The following ELOVL4 variants were observed in gnomAD, a reference collection of about 807,000 sequenced individuals.
ELOVL4 encodes very long chain fatty acid elongase 4.
ELOVL4 carries 18 observed loss-of-function variants against 42.1 expected under a neutral mutation model. The observed-to-expected ratio is 0.43, with a 90% CI of 0.30 to 0.63. The LOEUF is 0.63. ELOVL4 is among the 30% of genes least tolerant of loss of function. The pLI is 0.15. For synonymous variants in ELOVL4, 117 were observed against 127.0 expected, an observed-to-expected ratio of 0.92 and a Z score of 0.53; for missense variants, 299 against 376.2, an observed-to-expected ratio of 0.79 and a Z score of 1.70.
At chr6:79,928,094 ATTTC>A (rs1381640862) in intron 1 of ELOVL4, among the ~76,000 whole-genome samples, 2 of 152,076 alleles carry the variant, frequency 1.3e-5, no homozygotes, top group Non-Finnish European at 1.5e-5. Flanking sequence ...CTACTTAGGT[ATTTC>A]TTTTTCTATA....
At position 79,914,865 on chromosome 6, in the gene ELOVL4, A is replaced by G. The variant is rs1206233662; in HGVS notation, c.*1743T>C. On this transcript the variant is annotated 3_prime_UTR_variant, in exon 6 of 6. Transcript: ENST00000369816. ...TTGTGCTGAAATCAGGTAGCAGGGA[A>G]TGAATAGCTCTTGGGAACCAGTACA... 2 of 152,584 alleles carry G rather than the reference A, an allele frequency of 1.3e-5. No individual in the cohort carries two copies. The highest frequency in any genetic ancestry group is 4.8e-5 in the African/African-American group (2 of 41,442). 9.5% of individuals were successfully genotyped at this position (152,584 alleles called of 1,614,324 possible). A position where few individuals can be genotyped will look rare whatever the true frequency, so the allele number is the denominator to read the frequency against.
chr6:79,927,494 C>T (rs1259837185), intron 1 of ELOVL4, among the ~76,000 whole-genome samples: 18 of 152,038 alleles, frequency 1.2e-4, no homozygotes, highest in Admixed American at 1.2e-3. Context: ...CCTGTATATG[C>T]AAAATGCTTC....
chr6:79,921,847 G>C (rs1340446650), intron 3 of ELOVL4, 51 bp from the exon 4 acceptor site: 2 of 1,541,916 alleles, frequency 1.3e-6, no homozygotes, highest in South Asian at 2.2e-5. Flanking sequence ...CTATTGTATG[G>C]GTTTATACTC....
At chr6:79,936,322 T>A (rs1476686462) in intron 1 of ELOVL4, among the ~76,000 whole-genome samples, 1 of 152,182 alleles carries the variant, frequency 6.6e-6, no homozygotes, top group African/African-American at 2.4e-5. Flanking sequence ...TCCTTTTTTT[T>A]AAACATCTGG....
intron 1 of ELOVL4, among the ~76,000 whole-genome samples, chr6:79,938,688 T>C (rs1206739268): frequency 1.3e-5 from 2 of 152,268 alleles, no homozygotes; most frequent in Admixed American, 6.5e-5. Flanking sequence ...CTTTGTAGTT[T>C]AATCTCATAC....
chr6:79,934,288 G>T (rs1774506025), intron 1 of ELOVL4, among the ~76,000 whole-genome samples: 1 of 152,100 alleles, frequency 6.6e-6, no homozygotes, highest in Non-Finnish European at 1.5e-5. Context: ...AGCCAGAGAG[G>T]CAGGAAAAGA....
rs1319152242 is a variant in ELOVL4 at position 79,916,786 on chromosome 6, A to G, written c.767T>C (p.Ile256Thr). 6.2e-7 allele frequency: 1 copy of G among 1,614,084 alleles called. No individual in the cohort carries two copies. Among genetic ancestry groups the G allele is most frequent in the Non-Finnish European group, 8.5e-7 (1 of 1,180,048 alleles). Residue 256 changes from isoleucine to threonine, a missense_variant, in exon 6 of 6, where the codon ATC (isoleucine) becomes ACC (threonine). Ile to Thr is a moderately conservative substitution (Grantham distance 89). Transcript: ENST00000369816. Reference protein sequence around the residue: ...WMHWALIAYAISFIFLFLNFY... With the variant: ...WMHWALIAYATSFIFLFLNFY... Reference sequence around the variant, plus strand: ...GTTAAGAAAGAGAAATATGAAGCTGATTGCATAGGCAATTAGAGCCCAGTG... The same window carrying G: ...GTTAAGAAAGAGAAATATGAAGCTGGTTGCATAGGCAATTAGAGCCCAGTG...
chr6:79,946,854 G>A (rs897542530), intron 1 of ELOVL4, among the ~76,000 whole-genome samples: 1 of 152,218 alleles, frequency 6.6e-6, no homozygotes, highest in Non-Finnish European at 1.5e-5. Flanking sequence ...GGAGATGTGG[G>A]AGCACAGGGT....
At chr6:79,921,837 C>T in intron 3 of ELOVL4, 41 bp from the exon 4 acceptor site, 1 of 1,580,854 alleles carries the variant, frequency 6.3e-7, no homozygotes, top group African/African-American at 1.3e-5. Flanking sequence ...CAAAATGACA[C>T]TATTGTATGG....
At chr6:79,916,946 T>C in intron 5 of ELOVL4, 63 bp from the exon 6 acceptor site, 2 of 1,595,164 alleles carry the variant, frequency 1.3e-6, no homozygotes, top group Non-Finnish European at 1.7e-6. Context: ...TTTAACAACA[T>C]CGGCATCTTC....
intron 3 of ELOVL4, among the ~76,000 whole-genome samples, chr6:79,923,854 C>T (rs937089347): frequency 6.6e-6 from 1 of 152,016 alleles, no homozygotes; most frequent in African/African-American, 2.4e-5. Flanking sequence ...AATGAAGATA[C>T]GTACATAAAA....
chr6:79,932,334 A>C (rs1216769765), intron 1 of ELOVL4, among the ~76,000 whole-genome samples: 7 of 152,130 alleles, frequency 4.6e-5, no homozygotes, highest in African/African-American at 1.7e-4. Context: ...TGAGGTCAGG[A>C]GTTCAAGACC....
intron 3 of ELOVL4, among the ~76,000 whole-genome samples, chr6:79,922,167 G>A (rs1480506812): frequency 6.6e-6 from 1 of 152,136 alleles, no homozygotes; most frequent in Non-Finnish European, 1.5e-5. Context: ...AGTTGTTCAT[G>A]CTTAGCCTAC....
chr6:79,943,164 C>T (rs746855131), intron 1 of ELOVL4, among the ~76,000 whole-genome samples: 3 of 152,038 alleles, frequency 2.0e-5, no homozygotes, highest in Non-Finnish European at 2.9e-5. Context: ...TTAACTGTGA[C>T]GAATAATAAA....
At chr6:79,923,927 T>C (rs767059282) in intron 3 of ELOVL4, among the ~76,000 whole-genome samples, 15 of 152,150 alleles carry the variant, frequency 9.9e-5, no homozygotes, top group Non-Finnish European at 1.2e-4. Flanking sequence ...TTATATATTG[T>C]CCACTCCCCA....
intron 1 of ELOVL4, among the ~76,000 whole-genome samples, chr6:79,945,560 C>T (rs1774723748): frequency 6.6e-6 from 1 of 152,144 alleles, no homozygotes; most frequent in African/African-American, 2.4e-5. Flanking sequence ...ACCGAGAACT[C>T]CTGGGTGTGG....
intron 1 of ELOVL4, among the ~76,000 whole-genome samples, chr6:79,933,575 A>G (rs886304801): frequency 6.6e-6 from 1 of 152,092 alleles, no homozygotes; most frequent in Admixed American, 6.6e-5. Flanking sequence ...TGGGGTGTGG[A>G]CTGAGGGGAA....
chr6:79,921,459 C>CAAAAAAAAAAAA (rs1168483827), intron 4 of ELOVL4, among the ~76,000 whole-genome samples, 166 bp downstream of exon 4: 50 of 42,396 alleles, frequency 1.2e-3, no homozygotes, highest in Non-Finnish European at 1.6e-3. Context: ...GACTCCATCT[C>CAAAAAAAAAAAA]AAAAAAAAAA....
At chr6:79,940,802 G>A (rs954847066) in intron 1 of ELOVL4, among the ~76,000 whole-genome samples, 6 of 152,042 alleles carry the variant, frequency 3.9e-5, no homozygotes, top group Non-Finnish European at 7.4e-5. Flanking sequence ...ATATAATTGA[G>A]ATAATTTTAT....
Sources: gnomAD v4.1 joint callset for allele counts (sites outside exome capture counted in the v4.1 genomes callset) on GRCh38, gnomAD v4.1.1 for gene constraint, MANE v1.5 for transcripts, NCBI Gene and HGNC (gene_info 2026-07-23, HGNC 2026-07-21) for gene names.